ZNF469: variants seen among roughly 807,000 people sequenced by gnomAD.
ZNF469 encodes the protein zinc finger protein 469.
A neutral mutation model predicts 1.0 loss-of-function variants in ZNF469; 1 was observed. The observed-to-expected ratio is 1.00, with a 90% confidence interval of 0.35 to 4.73. The LOEUF is 4.73. Ranked by LOEUF, ZNF469 falls within the 30% of genes most tolerant of loss-of-function variation. The pLI is 0.16. For missense variants in ZNF469, 6,100 were observed against 5,356.3 expected (o/e 1.14, Z -4.33); for synonymous variants, 2,703 against 2,363.4 (o/e 1.14, Z -4.17).
chr16:88,261,752 G>A, the ZNF469 span, among the ~76,000 whole-genome samples: 2 of 152,254 alleles, frequency 1.3e-5, no homozygotes, highest in East Asian at 1.9e-4. The surrounding 1 kb of genome is among the most constrained non-coding windows in gnomAD (Gnocchi z 6.0). Context: ...GGGCTGCCTC[G>A]GTTAACTCCC....
At chr16:88,158,887 C>G in the ZNF469 span, among the ~76,000 whole-genome samples, 3 of 152,110 alleles carry the variant, frequency 2.0e-5, no homozygotes, top group East Asian at 1.9e-4. Context: ...AGTTGTGGTT[C>G]TGAACCTACT....
chr16:88,371,369 T>A, the ZNF469 span, among the ~76,000 whole-genome samples: 1 of 152,362 alleles, frequency 6.6e-6, no homozygotes, highest in East Asian at 1.9e-4. Flanking sequence ...GCAATCAAGT[T>A]CTCACATTTA....
chr16:88,366,448 A>G, the ZNF469 span, among the ~76,000 whole-genome samples: 33 of 151,452 alleles, frequency 2.2e-4, no homozygotes, highest in African/African-American at 7.5e-4. Context: ...AACCACCATC[A>G]TCACCACTAT....
rs113139568 is a variant in ZNF469 at position 88,389,193 on chromosome 16, C to T, written c.-192+5939C>T. Among the ~76,000 whole-genome samples the T allele has an allele frequency of 2.2e-3, 328 of 152,376 alleles. 1 individual carries two copies. The highest frequency in any genetic ancestry group is 7.5e-3 in the African/African-American group (310 of 41,594). ...CTCCCTATTCCCCTCTCCCAGCCCT[C>T]GGCAGCCGCTCCTTCCTGCCTGTGG... On this transcript the variant is annotated intron_variant, in intron 1 of 2. Coordinates refer to ENST00000565624, the MANE Select transcript of ZNF469 (RefSeq NM_001367624.2).
At chr16:88,238,424 C>A in the ZNF469 span, among the ~76,000 whole-genome samples, 13 of 152,112 alleles carry the variant, frequency 8.5e-5, no homozygotes, top group Non-Finnish European at 7.4e-5. Flanking sequence ...ATAGATAGAC[C>A]CTAGGTAGAC....
chr16:88,226,853 A>C, the ZNF469 span, among the ~76,000 whole-genome samples: 1 of 151,848 alleles, frequency 6.6e-6, no homozygotes, highest in Admixed American at 6.6e-5. Flanking sequence ...TGTGGGTTCC[A>C]AAGCAAAGGG....
At chr16:88,112,742 C>G in the ZNF469 span, among the ~76,000 whole-genome samples, 9 of 147,702 alleles carry the variant, frequency 6.1e-5, no homozygotes, top group East Asian at 1.6e-3. Flanking sequence ...TGTCTCTTCA[C>G]TCTGGATTGC....
At chr16:88,106,601 G>A in the ZNF469 span, among the ~76,000 whole-genome samples, 273 of 152,322 alleles carry the variant, frequency 1.8e-3, no homozygotes, top group African/African-American at 6.2e-3. Flanking sequence ...TGCTGCACCC[G>A]GAGCAGCCCC....
chr16:88,118,536 C>T, the ZNF469 span, among the ~76,000 whole-genome samples: 1 of 152,200 alleles, frequency 6.6e-6, no homozygotes. Flanking sequence ...CACCTGTCAC[C>T]TCCGCCTCTG....
chr16:88,214,973 CT>C, the ZNF469 span, among the ~76,000 whole-genome samples: 151 of 152,264 alleles, frequency 9.9e-4, no homozygotes, highest in African/African-American at 3.5e-3. Flanking sequence ...AAATGTCCCT[CT>C]TTGTCTCTGA....
chr16:88,108,091 A>G, the ZNF469 span, among the ~76,000 whole-genome samples: 1 of 150,278 alleles, frequency 6.7e-6, no homozygotes, highest in African/African-American at 2.5e-5. Flanking sequence ...AGAAATAAGG[A>G]CATTTGCACG....
chr16:88,356,516 G>A, the ZNF469 span, among the ~76,000 whole-genome samples: 1 of 151,440 alleles, frequency 6.6e-6, no homozygotes, highest in South Asian at 2.1e-4. Flanking sequence ...ATGTGCCTGT[G>A]TGTGTATTGC....
the ZNF469 span, among the ~76,000 whole-genome samples, chr16:88,269,100 C>T: frequency 6.6e-6 from 1 of 152,232 alleles, no homozygotes; most frequent in Admixed American, 6.5e-5. Flanking sequence ...TCCCCTTTCT[C>T]ACAGCCCAGT....
the ZNF469 span, among the ~76,000 whole-genome samples, chr16:88,120,134 C>T: frequency 3.9e-5 from 6 of 152,186 alleles, no homozygotes; most frequent in African/African-American, 4.8e-5. Flanking sequence ...GGGGAGGCAT[C>T]GCCCCTGAGC....
chr16:88,256,904 T>TCTCTCTCTCTCTCTC, the ZNF469 span, among the ~76,000 whole-genome samples: 4 of 15,860 alleles, frequency 2.5e-4, 1 homozygote, highest in Non-Finnish European at 3.9e-4. Flanking sequence ...CCTTCTTTCT[T>TCTCTCTCTCTCTCTC]TCTTTCTTTC....
chr16:88,203,844 A>C, the ZNF469 span, among the ~76,000 whole-genome samples: 1 of 152,150 alleles, frequency 6.6e-6, no homozygotes, highest in Non-Finnish European at 1.5e-5. Flanking sequence ...TACATCTGCA[A>C]AGAGCGCATT....
At chr16:88,350,253 C>T in the ZNF469 span, among the ~76,000 whole-genome samples, 5 of 152,262 alleles carry the variant, frequency 3.3e-5, no homozygotes, top group East Asian at 9.6e-4. Context: ...CAGCACTGCC[C>T]TCCTGTCCCA....
At chr16:88,154,227 G>A in the ZNF469 span, among the ~76,000 whole-genome samples, 8 of 152,242 alleles carry the variant, frequency 5.3e-5, no homozygotes, top group Admixed American at 2.6e-4. Flanking sequence ...GCGTGATCTC[G>A]GCTTACTGCA....
At chr16:88,112,851 C>T in the ZNF469 span, among the ~76,000 whole-genome samples, 103 of 143,330 alleles carry the variant, frequency 7.2e-4, no homozygotes, top group African/African-American at 2.5e-3. Flanking sequence ...GATCTCAGCT[C>T]ACTGCAAGCT....
Sources: allele counts gnomAD v4.1 joint callset (sites outside exome capture counted in the v4.1 genomes callset), GRCh38; gene constraint gnomAD v4.1.1; non-coding constraint Gnocchi (gnomAD v3.1); transcripts MANE v1.5; gene names NCBI Gene and HGNC (gene_info 2026-07-23, HGNC 2026-07-21).